Variants in TGFBRAP1 observed in about 807,000 individuals in gnomAD.
The protein encoded by TGFBRAP1 is transforming growth factor-beta receptor-associated protein 1.
A neutral mutation model predicts 83.2 loss-of-function variants in TGFBRAP1; 20 were observed. The observed-to-expected ratio is 0.24, with a 90% CI of 0.17 to 0.35. The LOEUF (loss-of-function observed/expected upper bound fraction) is 0.35, where lower values mean the gene tolerates loss of function less well. Among genes scored for constraint, TGFBRAP1 ranks in the 10% least tolerant of loss-of-function variants. TGFBRAP1 has a pLI of 1.00. For synonymous variants in TGFBRAP1, 415 were observed against 459.8 expected (o/e 0.90, Z 1.25); for missense variants, 950 against 1,099.4 (o/e 0.86, Z 1.92).
At chr2:105,318,432 A>C (rs76380830) in intron 1 of TGFBRAP1, among the ~76,000 whole-genome samples, 7,340 of 152,252 alleles carry the variant, frequency 0.048, 212 homozygotes, top group African/African-American at 0.075. Context: ...TTACAAATAT[A>C]TTTTTATAGG....
At chr2:105,255,848 G>A in the TGFBRAP1 span, among the ~76,000 whole-genome samples, 1 of 151,912 alleles carries the variant, frequency 6.6e-6, no homozygotes, top group Admixed American at 6.6e-5. Flanking sequence ...CACAACCACG[G>A]GAAGGCTCCT....
the TGFBRAP1 span, among the ~76,000 whole-genome samples, chr2:105,250,702 G>A: frequency 4.0e-5 from 6 of 151,462 alleles, no homozygotes; most frequent in African/African-American, 9.7e-5. Flanking sequence ...CCCTGATGCC[G>A]AGCCAAAGCT....
intron 5 of TGFBRAP1, among the ~76,000 whole-genome samples, chr2:105,281,689 C>T (rs1044782641): frequency 6.6e-6 from 1 of 152,188 alleles, no homozygotes; most frequent in African/African-American, 2.4e-5. Context: ...CACCTTCAGC[C>T]TCAAGCATCC....
chr2:105,316,458 T>TGCGCGCGCGCGC (rs1356366345), intron 1 of TGFBRAP1, among the ~76,000 whole-genome samples: 3 of 67,068 alleles, frequency 4.5e-5, no homozygotes, highest in Admixed American at 3.2e-4. Context: ...TGTGTGTGTG[T>TGCGCGCGCGCGC]GTGTGCGCGC....
chr2:105,328,201 GA>G (rs1298474360), intron 1 of TGFBRAP1, among the ~76,000 whole-genome samples: 20 of 152,102 alleles, frequency 1.3e-4, no homozygotes, highest in African/African-American at 4.8e-4. Context: ...AAGGTCACAG[GA>G]AATGGCAGAG....
chr2:105,250,856 G>T, the TGFBRAP1 span, among the ~76,000 whole-genome samples: 4 of 152,230 alleles, frequency 2.6e-5, no homozygotes. Context: ...GGGTTTCGCC[G>T]TGTTGGCCGG....
chr2:105,319,913 T>C (rs545189315), intron 1 of TGFBRAP1, among the ~76,000 whole-genome samples: 76 of 151,536 alleles, frequency 5.0e-4, no homozygotes, highest in Non-Finnish European at 8.3e-4. Context: ...GTTATATACA[T>C]ACATACATAC....
Position 105,273,635 on chromosome 2 carries a change from A to C in TGFBRAP1, c.1721T>G (p.Phe574Cys). The change falls in exon 9 of 12, where the codon TTT becomes TGT. Residue 574 changes from phenylalanine to cysteine, a missense_variant. Physicochemically the swap from Phe to Cys is radical, Grantham distance 205. Coordinates refer to ENST00000393359, the MANE Select transcript of TGFBRAP1 (RefSeq NM_004257.6). ...RPLDEQQKNS[F>C]NPDDIINCLK... ...GCAATTGATAATGTCGTCTGGATTA[A>C]AACTGTTCTTCTGCTGTTCATCCAA... The C allele has an allele frequency of 1.2e-6, 2 of 1,614,222 alleles. No homozygotes were observed. The highest frequency in any genetic ancestry group is 1.7e-6 in the Non-Finnish European group (2 of 1,180,040).
Position 105,298,545 on chromosome 2 carries a change from G to A in TGFBRAP1, c.849C>T (p.Pro283=). The A allele has an allele frequency of 6.2e-7, 1 of 1,611,968 alleles. No homozygotes were observed. The highest frequency in any genetic ancestry group is 1.7e-4 in the Middle Eastern group (1 of 6,044). The change falls in exon 3 of 12, where the codon CCC becomes CCT. Residue 283 remains proline, a synonymous_variant. Transcript: ENST00000393359. Reference sequence around the variant, plus strand: ...CCTGTAGGATATGGCCCTCCTTAAAGGGCAGCGTCTGCTTCTGTTGCTGAT... The same window carrying A: ...CCTGTAGGATATGGCCCTCCTTAAAAGGCAGCGTCTGCTTCTGTTGCTGAT... The part of the protein sequence containing the change: ...MLDQQQKQTL[P]FKEGHILQDF...
At chr2:105,298,458 A>G in intron 3 of TGFBRAP1, 53 bp downstream of exon 3, 3 of 1,515,550 alleles carry the variant, frequency 2.0e-6, no homozygotes, top group Non-Finnish European at 2.7e-6. Flanking sequence ...TACCGAAGAA[A>G]TATCATAAAA....
the TGFBRAP1 span, among the ~76,000 whole-genome samples, chr2:105,251,640 G>T: frequency 1.3e-5 from 2 of 152,248 alleles, no homozygotes; most frequent in African/African-American, 4.8e-5. Flanking sequence ...CGTCTGGGAG[G>T]TGTACTCAAC....
At position 105,304,559 on chromosome 2, in the gene TGFBRAP1, G is replaced by C. The variant is rs1286839093; in HGVS notation, c.688+3055C>G. Among the ~76,000 whole-genome samples, 11 of 152,354 alleles carry C rather than the reference G, an allele frequency of 7.2e-5. No individual in the cohort carries two copies. In the South Asian group the frequency reaches 2.3e-3, roughly 32 times the overall value. ...GCACTTTGGGAGGCCGAGGCGGGTG[G>C]ATCACCTGAGGTCAGGAGTTCAAGA... On this transcript the variant is annotated intron_variant, in intron 2 of 11. Transcript: ENST00000393359.
At position 105,264,653 on chromosome 2, in the gene TGFBRAP1, C is replaced by T. The variant is rs1046071885; in HGVS notation, c.*2730G>A. On this transcript the variant is annotated 3_prime_UTR_variant, in exon 12 of 12. Coordinates refer to ENST00000393359, the MANE Select transcript of TGFBRAP1 (RefSeq NM_004257.6). ...ACCCCGCAGCCACCTGCCTGTGCTC[C>T]GGAAGTGAGAAGCACATGTAAGCAC... 2.1e-4 allele frequency: 32 copies of T among 152,372 alleles called. No homozygotes were observed. The highest frequency in any genetic ancestry group is 7.0e-4 in the African/African-American group (29 of 41,592). 9.4% of individuals were successfully genotyped at this position (152,372 alleles called of 1,614,324 possible). A position where few individuals can be genotyped will look rare whatever the true frequency, so the allele number is the denominator to read the frequency against.
intron 1 of TGFBRAP1, among the ~76,000 whole-genome samples, chr2:105,319,393 A>G (rs569030033): frequency 1.4e-4 from 21 of 149,134 alleles, no homozygotes; most frequent in Admixed American, 6.6e-4. Flanking sequence ...TAATCTAGAC[A>G]TAAAAAGAGG....
intron 5 of TGFBRAP1, among the ~76,000 whole-genome samples, chr2:105,281,750 C>T (rs1677546078): frequency 6.6e-6 from 1 of 152,190 alleles, no homozygotes; most frequent in Admixed American, 6.5e-5. Flanking sequence ...CCAGTTTGTA[C>T]ATTTCATGAC....
chr2:105,278,144 G>C (rs1677415434), intron 6 of TGFBRAP1, among the ~76,000 whole-genome samples: 1 of 150,514 alleles, frequency 6.6e-6, no homozygotes, highest in African/African-American at 2.5e-5. Context: ...ACAACCAAAG[G>C]ATTCTCATTG....
At chr2:105,314,281 C>T (rs1295927760) in intron 1 of TGFBRAP1, among the ~76,000 whole-genome samples, 6 of 139,028 alleles carry the variant, frequency 4.3e-5, no homozygotes, top group Non-Finnish European at 7.6e-5. Context: ...GAGACAGTCT[C>T]GCTCTGTCGC....
At position 105,269,943 on chromosome 2, in the gene TGFBRAP1, T is replaced by A. The variant is rs1677093502; in HGVS notation, c.1973-238A>T. 6.6e-6 allele frequency among the ~76,000 whole-genome samples: 1 copy of A among 152,144 alleles called. No individual in the cohort carries two copies. Among genetic ancestry groups the A allele is most frequent in the Admixed American group, 6.5e-5 (1 of 15,280 alleles). Reference sequence around the variant, plus strand: ...TCAAAAGTATAGCTGGACCACAGAATAATTCCTTTCTCTAGTGTTCAGAGG... The same window carrying A: ...TCAAAAGTATAGCTGGACCACAGAAAAATTCCTTTCTCTAGTGTTCAGAGG... On this transcript the variant is annotated intron_variant, in intron 10 of 11. Transcript: ENST00000393359. This position sits in a 1 kb window ranked among gnomAD's most constrained non-coding sequence, Gnocchi z 4.1.
At position 105,277,595 on chromosome 2, in the gene TGFBRAP1, G is replaced by GA. The variant is rs1677392603; in HGVS notation, c.1521+18dup. The GA allele has an allele frequency of 1.2e-6, 2 of 1,613,504 alleles. No homozygotes were observed. Among genetic ancestry groups the GA allele is most frequent in the Admixed American group, 1.7e-5 (1 of 59,994 alleles). On this transcript the variant is annotated intron_variant, in intron 7 of 11. Coordinates refer to ENST00000393359, the MANE Select transcript of TGFBRAP1 (RefSeq NM_004257.6). ...ATGGTGCTGATTTTTAAATCATGTG[G>GA]AAACCCTTCTAGACTCACCTGAACT...
Sources: allele counts gnomAD v4.1 joint callset (sites outside exome capture counted in the v4.1 genomes callset), GRCh38; gene constraint gnomAD v4.1.1; non-coding constraint Gnocchi (gnomAD v3.1); transcripts MANE v1.5; gene names NCBI Gene and HGNC (gene_info 2026-07-23, HGNC 2026-07-21).